The following PDE1A variants were observed in gnomAD, a reference collection of about 807,000 sequenced individuals.
PDE1A encodes phosphodiesterase 1A.
In PDE1A, 35 loss-of-function variants were observed where a neutral mutation model predicts 61.7. The observed-to-expected ratio is 0.57, with a 90% CI of 0.43 to 0.75. The LOEUF is 0.75. PDE1A is among the 30% of genes least tolerant of loss of function. The pLI, the probability that PDE1A is intolerant of heterozygous loss-of-function variation, is 0.00. For synonymous variants in PDE1A, 232 were observed against 213.2 expected (o/e 1.09, Z -0.77); for missense variants, 597 against 630.6 (o/e 0.95, Z 0.57).
intron 1 of PDE1A, among the ~76,000 whole-genome samples, chr2:182,377,007 A>T (rs1279348616): frequency 2.0e-5 from 3 of 152,212 alleles, no homozygotes; most frequent in Non-Finnish European, 4.4e-5. Flanking sequence ...GTCACAACAC[A>T]TGAGAATTAC....
intron 1 of PDE1A, among the ~76,000 whole-genome samples, chr2:182,416,870 T>C (rs1170533794): frequency 1.3e-5 from 2 of 152,192 alleles, no homozygotes; most frequent in East Asian, 1.9e-4. Flanking sequence ...AGAGGGAAAT[T>C]AGTGTGACTG....
intron 1 of PDE1A, among the ~76,000 whole-genome samples, chr2:182,268,839 A>C (rs575550081): frequency 6.6e-6 from 1 of 152,206 alleles, no homozygotes; most frequent in Non-Finnish European, 1.5e-5. Flanking sequence ...ACTAAGCCAC[A>C]TTTTATTTGT....
rs1574084031 is a variant in PDE1A at position 182,229,965 on chromosome 2, G to T, written c.675+41C>A. 6 of 1,526,184 alleles carry T rather than the reference G, an allele frequency of 3.9e-6. No individual in the cohort carries two copies. The East Asian group carries it at 1.4e-4, about 35-fold the overall frequency. 94.5% of individuals were successfully genotyped at this position (1,526,184 alleles called of 1,614,324 possible). ...ACTTATAGGAATGGAAGTTTGGAAT[G>T]CTTCCAAACTAACAAACCTCAGTTA... On this transcript the variant is annotated intron_variant, in intron 6 of 13. Coordinates refer to ENST00000351439, the Ensembl canonical transcript of PDE1A.
chr2:182,662,300 G>A, the PDE1A span, among the ~76,000 whole-genome samples: 842 of 114,238 alleles, frequency 7.4e-3, 12 homozygotes, highest in African/African-American at 0.027. Context: ...ATATTAAAAG[G>A]AAATTTTTAT....
At chr2:182,231,042 G>A in exon 5 of PDE1A, 5 of 1,593,258 alleles carry the variant, frequency 3.1e-6, no homozygotes, top group South Asian at 1.1e-5. Context: ...GATCATATCT[G>A]GTAAACAGTT....
intron 1 of PDE1A, among the ~76,000 whole-genome samples, chr2:182,343,898 G>A (rs1002861206): frequency 1.4e-5 from 2 of 147,298 alleles, no homozygotes; most frequent in Non-Finnish European, 3.0e-5. Flanking sequence ...TTGAGGCAGA[G>A]TCTTACTCTC....
chr2:182,589,756 G>C, the PDE1A span, among the ~76,000 whole-genome samples: 1 of 152,180 alleles, frequency 6.6e-6, no homozygotes, highest in Admixed American at 6.5e-5. Context: ...TCTCATTTAA[G>C]AATGCTCATA....
chr2:182,483,496 T>C (rs941901477), intron 2 of PDE1A, among the ~76,000 whole-genome samples: 1 of 151,680 alleles, frequency 6.6e-6, no homozygotes, highest in Non-Finnish European at 1.5e-5. Context: ...ACTGACAACA[T>C]AAAGAAATTT....
the PDE1A span, among the ~76,000 whole-genome samples, chr2:182,570,996 C>A: frequency 1.3e-5 from 2 of 152,108 alleles, no homozygotes; most frequent in African/African-American, 4.8e-5. Context: ...CAAAATCATT[C>A]GTAAGGTTCT....
chr2:182,335,640 C>T (rs759213553), intron 1 of PDE1A, among the ~76,000 whole-genome samples: 20 of 152,170 alleles, frequency 1.3e-4, no homozygotes, highest in African/African-American at 1.7e-4. Flanking sequence ...AAGACTTAAA[C>T]GTAAGACCTT....
intron 1 of PDE1A, among the ~76,000 whole-genome samples, chr2:182,391,937 G>A (rs1210425363): frequency 6.6e-6 from 1 of 152,136 alleles, no homozygotes; most frequent in African/African-American, 2.4e-5. Flanking sequence ...AGGGAATCAT[G>A]ACCCCTCAAT....
chr2:182,503,606 G>A (rs1485546968), intron 2 of PDE1A, among the ~76,000 whole-genome samples: 2 of 152,066 alleles, frequency 1.3e-5, no homozygotes, highest in Admixed American at 6.5e-5. Flanking sequence ...CGCACACCAA[G>A]GCCAATGCTT....
At chr2:182,477,827 G>A (rs945593367) in intron 2 of PDE1A, among the ~76,000 whole-genome samples, 1 of 151,914 alleles carries the variant, frequency 6.6e-6, no homozygotes, top group African/African-American at 2.4e-5. Context: ...TCATGCTTTT[G>A]ACAGAAGCTG....
chr2:182,144,548 G>A (rs1387563871), downstream of PDE1A, among the ~76,000 whole-genome samples: 1 of 152,100 alleles, frequency 6.6e-6, no homozygotes, highest in African/African-American at 2.4e-5. Context: ...GTCTCAACAC[G>A]GCACAGATTT....
intron 2 of PDE1A, among the ~76,000 whole-genome samples, chr2:182,454,175 C>T (rs994155074): frequency 1.3e-5 from 2 of 152,078 alleles, no homozygotes; most frequent in East Asian, 1.9e-4. Context: ...AGAATTGCTT[C>T]GAAGAGAATA....
At chr2:182,178,778 G>A (rs1317231775) in intron 13 of PDE1A, among the ~76,000 whole-genome samples, 2 of 152,094 alleles carry the variant, frequency 1.3e-5, no homozygotes, top group African/African-American at 4.8e-5. Flanking sequence ...TCAGCCCTGA[G>A]AAGTACAATG....
chr2:182,572,860 C>A, the PDE1A span, among the ~76,000 whole-genome samples: 10 of 131,706 alleles, frequency 7.6e-5, no homozygotes, highest in Admixed American at 1.6e-4. Context: ...CAGAGCGAGA[C>A]TCTGTCTCAA....
chr2:182,356,939 C>A (rs1323024314), intron 1 of PDE1A, among the ~76,000 whole-genome samples: 2 of 152,090 alleles, frequency 1.3e-5, no homozygotes, highest in Non-Finnish European at 2.9e-5. Flanking sequence ...GGACAAAAAA[C>A]CAAACACAGC....
intron 2 of PDE1A, among the ~76,000 whole-genome samples, chr2:182,466,332 C>T (rs1424961235): frequency 2.0e-5 from 3 of 151,996 alleles, no homozygotes; most frequent in African/African-American, 7.2e-5. Context: ...TAAAATCAAA[C>T]TCTTAGAGCT....
Sources: gnomAD v4.1 joint callset for allele counts (sites outside exome capture counted in the v4.1 genomes callset) on GRCh38, gnomAD v4.1.1 for gene constraint, MANE v1.5 for transcripts, NCBI Gene and HGNC (gene_info 2026-07-23, HGNC 2026-07-21) for gene names.